MALRD1: variants seen among roughly 807,000 people sequenced by gnomAD.
MALRD1 encodes the protein MAM and LDL-receptor class A domain-containing protein 1.
A neutral mutation model predicts 242.1 loss-of-function variants in MALRD1; 247 were observed. The ratio of observed to expected loss-of-function variants is 1.02; its 90% CI spans 0.92 to 1.13. The LOEUF (loss-of-function observed/expected upper bound fraction) is 1.13, where lower values mean the gene tolerates loss of function less well. MALRD1 is among the 50% of genes most tolerant of loss of function. The pLI is 0.00. For missense variants in MALRD1, 2,989 were observed against 2,533.1 expected (o/e 1.18, Z -3.86); for synonymous variants, 995 against 866.6 (o/e 1.15, Z -2.60).
intron 21 of MALRD1, among the ~76,000 whole-genome samples, chr10:19,305,312 C>A (rs1307887096): frequency 6.6e-6 from 1 of 151,512 alleles, no homozygotes; most frequent in African/African-American, 2.4e-5. Context: ...AAATACTTTT[C>A]AAAAATCTAG....
chr10:19,713,331 G>A (rs2131879615), intron 38 of MALRD1, among the ~76,000 whole-genome samples: 2 of 152,266 alleles, frequency 1.3e-5, no homozygotes, highest in South Asian at 4.1e-4. Context: ...ACCATATCCA[G>A]ATAAGACCAA....
chr10:19,405,459 G>C (rs1321619493), intron 28 of MALRD1, among the ~76,000 whole-genome samples: 4 of 152,132 alleles, frequency 2.6e-5, no homozygotes, highest in African/African-American at 9.7e-5. Flanking sequence ...TGCTGCCTGA[G>C]AGTCTGAGAC....
chr10:19,168,785 C>T (rs7074196), intron 13 of MALRD1, among the ~76,000 whole-genome samples: 1 of 152,136 alleles, frequency 6.6e-6, no homozygotes, highest in Non-Finnish European at 1.5e-5. Context: ...GCTGGTGGCT[C>T]AGCACCTTGT....
intron 1 of MALRD1, among the ~76,000 whole-genome samples, chr10:19,054,421 A>G (rs2131206745): frequency 6.6e-6 from 1 of 152,266 alleles, no homozygotes; most frequent in African/African-American, 2.4e-5. Flanking sequence ...TTGTGACAAG[A>G]CATTGAAATT....
chr10:19,595,589 T>C (rs1838054342), intron 34 of MALRD1, 132 bp downstream of exon 34: 2 of 1,097,322 alleles, frequency 1.8e-6, no homozygotes, highest in Admixed American at 2.9e-5. Flanking sequence ...CAGCTTTCAG[T>C]GTTATGTTGC....
chr10:19,556,083 G>A (rs907685023), intron 32 of MALRD1, among the ~76,000 whole-genome samples: 2 of 152,098 alleles, frequency 1.3e-5, no homozygotes, highest in Non-Finnish European at 2.9e-5. Context: ...TCTGTACTGT[G>A]TATTTTTAAA....
At chr10:19,256,468 G>A (rs1839516533) in intron 18 of MALRD1, among the ~76,000 whole-genome samples, 1 of 151,980 alleles carries the variant, frequency 6.6e-6, no homozygotes, top group African/African-American at 2.4e-5. Flanking sequence ...ATGGTGGTGG[G>A]AAAAAGGATG....
intron 26 of MALRD1, among the ~76,000 whole-genome samples, chr10:19,374,841 G>A (rs190567124): frequency 1.3e-5 from 2 of 152,254 alleles, no homozygotes; most frequent in Admixed American, 1.3e-4. Context: ...TATGATATTA[G>A]CCAGAAACTA....
chr10:19,690,647 A>T (rs1252029640), intron 36 of MALRD1, among the ~76,000 whole-genome samples: 4 of 151,986 alleles, frequency 2.6e-5, no homozygotes, highest in Non-Finnish European at 4.4e-5. Flanking sequence ...TAACATAAGA[A>T]TTATTTCAGT....
chr10:19,440,588 GC>G (rs2130984659), intron 28 of MALRD1, among the ~76,000 whole-genome samples: 1 of 152,188 alleles, frequency 6.6e-6, no homozygotes, highest in South Asian at 2.1e-4. Flanking sequence ...GTGGGAACAT[GC>G]GGTGTTTGGT....
chr10:19,176,383 T>TTTTTTTTTTTTTTTTTTTTTTTTTTTTG, intron 14 of MALRD1, among the ~76,000 whole-genome samples: 1 of 127,224 alleles, frequency 7.9e-6, no homozygotes, highest in African/African-American at 2.8e-5. Flanking sequence ...TTTTTTTTTT[T>TTTTTTTTTTTTTTTTTTTTTTTTTTTTG]TTGAGACGGA....
In MALRD1 at chr10:19,352,076, A is replaced by C; in HGVS notation, c.4220A>C (p.Asn1407Thr). 6.4e-7 allele frequency: 1 copy of C among 1,550,498 alleles called. No individual in the cohort carries two copies. The highest frequency in any genetic ancestry group is 8.7e-7 in the Non-Finnish European group (1 of 1,146,894). ...ALTLMQVSVT[N>T]QTKVLLNLTV... ...ACCTTAATGCAGGTGTCAGTCACAA[A>C]CCAAACGAAGGTTCTACTTAACCTC... The change falls in exon 26 of 40, where the codon AAC becomes ACC. Residue 1407 changes from asparagine (N) to threonine (T), a missense_variant. Coordinates refer to ENST00000454679, the MANE Select transcript of MALRD1 (RefSeq NM_001142308.3).
intron 14 of MALRD1, among the ~76,000 whole-genome samples, chr10:19,188,906 T>A (rs1475878490): frequency 1.3e-5 from 2 of 152,024 alleles, no homozygotes; most frequent in Non-Finnish European, 2.9e-5. Context: ...TGAAGGCAGG[T>A]AGAAGTGAAA....
At chr10:19,231,451 G>T (rs939034207) in intron 18 of MALRD1, among the ~76,000 whole-genome samples, 2 of 152,136 alleles carry the variant, frequency 1.3e-5, no homozygotes, top group African/African-American at 4.8e-5. Flanking sequence ...ATGTGATTCG[G>T]CTGTGTCTCT....
At chr10:19,355,599 G>A (rs1844588574) in intron 26 of MALRD1, among the ~76,000 whole-genome samples, 1 of 150,966 alleles carries the variant, frequency 6.6e-6, no homozygotes, top group African/African-American at 2.4e-5. Flanking sequence ...TATCTCAGCT[G>A]TAACTCTTAC....
intron 11 of MALRD1, among the ~76,000 whole-genome samples, chr10:19,148,788 A>AAAAAAAAAATATATATATATATATATAT (rs1206724666): frequency 1.1e-5 from 1 of 88,016 alleles, no homozygotes; most frequent in Non-Finnish European, 2.5e-5. Context: ...AAAAAAAAAA[A>AAAAAAAAAATATATATATATATATATAT]ATATATATAT....
At position 19,496,340 on chromosome 10, in the gene MALRD1, C is replaced by CA. The variant is rs954642380; in HGVS notation, c.5159-2138dup. Among the ~76,000 whole-genome samples the CA allele has an allele frequency of 2.6e-5, 4 of 151,946 alleles. No individual in the cohort carries two copies. In the South Asian group the frequency reaches 6.2e-4, roughly 24 times the overall value. ...ACATAAAACAATCCTCAGCAAATTCCAAAAAAACAAAATTATACCAACCAT... is the reference window on the plus strand; with the variant it reads ...ACATAAAACAATCCTCAGCAAATTCCAAAAAAAACAAAATTATACCAACCAT... On this transcript the variant is annotated intron_variant, in intron 30 of 39. Transcript: ENST00000454679.
At chr10:19,385,001 T>C (rs1013899729) in intron 26 of MALRD1, among the ~76,000 whole-genome samples, 12 of 151,938 alleles carry the variant, frequency 7.9e-5, no homozygotes, top group African/African-American at 2.9e-4. Context: ...AAATGCTTTT[T>C]CTGCATCTAT....
chr10:19,260,827 C>T (rs77345745), intron 19 of MALRD1, among the ~76,000 whole-genome samples: 2,889 of 152,218 alleles, frequency 0.019, 52 homozygotes, highest in Non-Finnish European at 0.029. Context: ...AACACAGTCA[C>T]TTCTTCTTGG....
Sources: gnomAD v4.1 joint callset for allele counts (sites outside exome capture counted in the v4.1 genomes callset) on GRCh38, gnomAD v4.1.1 for gene constraint, MANE v1.5 for transcripts, NCBI Gene and HGNC (gene_info 2026-07-23, HGNC 2026-07-21) for gene names.